Variants in TAMM41 observed in about 807,000 individuals in gnomAD.
TAMM41 encodes TAM41 mitochondrial translocator assembly and maintenance homolog, also known as phosphatidate cytidylyltransferase, mitochondrial.
In TAMM41, 36 loss-of-function variants were observed where a neutral mutation model predicts 44.1. The observed-to-expected ratio is 0.82, with a 90% CI of 0.63 to 1.08. The LOEUF (loss-of-function observed/expected upper bound fraction) is 1.08, where lower values mean the gene tolerates loss of function less well. Ranked by LOEUF, TAMM41 falls within the 50% of genes least tolerant of loss-of-function variation. The pLI is 0.00. For missense variants in TAMM41, 417 were observed against 404.3 expected, an observed-to-expected ratio of 1.03 and a Z score of -0.27; for synonymous variants, 164 against 153.1, an observed-to-expected ratio of 1.07 and a Z score of -0.53.
chr3:11,821,909 A>C (rs1416473717), intron 4 of TAMM41, among the ~76,000 whole-genome samples: 3 of 152,198 alleles, frequency 2.0e-5, no homozygotes, highest in Non-Finnish European at 4.4e-5. Flanking sequence ...CTGGCAGGAC[A>C]CCACAAGTGG....
intron 7 of TAMM41, among the ~76,000 whole-genome samples, chr3:11,798,353 T>C (rs1274270591): frequency 6.6e-6 from 1 of 152,126 alleles, no homozygotes; most frequent in Non-Finnish European, 1.5e-5. Context: ...TGCAGGGATA[T>C]AGATGGAGCT....
At position 11,846,381 on chromosome 3, in the gene TAMM41, T is replaced by C; in HGVS notation, c.135+121A>G. On this transcript the variant is annotated intron_variant, in intron 1 of 7. Coordinates refer to ENST00000455809, the MANE Select transcript of TAMM41 (RefSeq NM_001284401.2). ...AGGAAGGCAGGCCTATGGTTCACTC[T>C]GCTAGTGGACACGTGGAGTGTGCAG... 10 of 1,179,906 alleles carry C rather than the reference T, an allele frequency of 8.5e-6. No homozygotes were observed. In the South Asian group the frequency reaches 1.4e-4, roughly 17 times the overall value. 73.1% of individuals were successfully genotyped at this position (1,179,906 alleles called of 1,614,324 possible).
At chr3:11,807,331 G>C (rs531508191) in intron 7 of TAMM41, 3 of 1,455,070 alleles carry the variant, frequency 2.1e-6, no homozygotes. Flanking sequence ...GTGGGTGCCA[G>C]AGTTGACTTC....
chr3:11,802,328 G>C (rs1185163473), intron 7 of TAMM41, among the ~76,000 whole-genome samples: 1 of 152,010 alleles, frequency 6.6e-6, no homozygotes, highest in African/African-American at 2.4e-5. Context: ...TACAAGACAA[G>C]AAGAGATACA....
the TAMM41 span, among the ~76,000 whole-genome samples, chr3:11,734,084 G>A: frequency 6.6e-6 from 1 of 152,194 alleles, no homozygotes. Flanking sequence ...ATGAAGACGG[G>A]CTAGGAAATG....
the TAMM41 span, among the ~76,000 whole-genome samples, chr3:11,725,363 C>T: frequency 2.1e-5 from 3 of 141,656 alleles, no homozygotes; most frequent in Non-Finnish European, 4.6e-5. Flanking sequence ...TTTTTTTCTT[C>T]TTCTCCTCCT....
chr3:11,844,815 G>A (rs891768350), intron 1 of TAMM41: 8 of 421,036 alleles, frequency 1.9e-5, no homozygotes, highest in Non-Finnish European at 3.8e-5. Context: ...TAGAAGTATA[G>A]AGCTCAGAGT....
chr3:11,732,325 TC>T, the TAMM41 span, among the ~76,000 whole-genome samples: 1 of 67,862 alleles, frequency 1.5e-5, no homozygotes, highest in Non-Finnish European at 3.6e-5. Context: ...CCTTTTTCCC[TC>T]TCTCTCTCCC....
chr3:11,795,014 A>G (rs2077571381), intron 7 of TAMM41, among the ~76,000 whole-genome samples: 1 of 152,210 alleles, frequency 6.6e-6, no homozygotes, highest in Admixed American at 6.5e-5. Flanking sequence ...TGTTCTTCTA[A>G]TTTAAATATA....
At chr3:11,729,956 C>T in the TAMM41 span, among the ~76,000 whole-genome samples, 1 of 152,140 alleles carries the variant, frequency 6.6e-6, no homozygotes, top group African/African-American at 2.4e-5. Context: ...AACAGGGGCT[C>T]AGAGAGGGTA....
chr3:11,743,407 C>G, the TAMM41 span, among the ~76,000 whole-genome samples: 67 of 151,308 alleles, frequency 4.4e-4, no homozygotes, highest in African/African-American at 1.6e-3. Context: ...AATCTTAGCT[C>G]ACTACAACCT....
At chr3:11,785,112 G>C in the TAMM41 span, among the ~76,000 whole-genome samples, 1 of 152,136 alleles carries the variant, frequency 6.6e-6, no homozygotes, top group Non-Finnish European at 1.5e-5. Context: ...TTTCTCTGGT[G>C]AGCTCGGCCA....
At chr3:11,807,280 A>T (rs1432704239) in intron 7 of TAMM41, 32 of 1,438,576 alleles carry the variant, frequency 2.2e-5, no homozygotes, top group Non-Finnish European at 2.8e-5. Context: ...CAACTATATT[A>T]GGAGGACAGA....
chr3:11,746,739 A>T, the TAMM41 span, among the ~76,000 whole-genome samples: 3 of 152,024 alleles, frequency 2.0e-5, no homozygotes, highest in Admixed American at 6.6e-5. Context: ...GCCTCAAATG[A>T]TCCTCCTGCC....
At chr3:11,780,923 T>C in the TAMM41 span, among the ~76,000 whole-genome samples, 1 of 152,236 alleles carries the variant, frequency 6.6e-6, no homozygotes, top group African/African-American at 2.4e-5. Flanking sequence ...CATTGATCGC[T>C]TCTCACCTTG....
At chr3:11,781,535 G>A in the TAMM41 span, among the ~76,000 whole-genome samples, 35 of 152,056 alleles carry the variant, frequency 2.3e-4, no homozygotes, top group Non-Finnish European at 4.6e-4. Context: ...AGGAGTTCGA[G>A]AGCAGCCTGG....
the TAMM41 span, among the ~76,000 whole-genome samples, chr3:11,723,914 A>G: frequency 1.3e-5 from 2 of 152,136 alleles, no homozygotes; most frequent in South Asian, 2.1e-4. Context: ...GGAGGTAGCA[A>G]AGACACAAGA....
At chr3:11,839,610 T>C (rs2079344680) in intron 2 of TAMM41, among the ~76,000 whole-genome samples, 1 of 152,226 alleles carries the variant, frequency 6.6e-6, no homozygotes, top group South Asian at 2.1e-4. Context: ...CCTCACAGGC[T>C]GGCTATCCAA....
Position 11,846,826 on chromosome 3 carries a change from C to T in TAMM41, c.-190G>A. 2 of 693,170 alleles carry T rather than the reference C, an allele frequency of 2.9e-6. No individual in the cohort carries two copies. The highest frequency in any genetic ancestry group is 2.8e-5 in the Admixed American group (1 of 35,268). 42.9% of individuals were successfully genotyped at this position (693,170 alleles called of 1,614,324 possible). On this transcript the variant is annotated 5_prime_UTR_variant, in exon 1 of 8. Coordinates refer to ENST00000455809, the MANE Select transcript of TAMM41 (RefSeq NM_001284401.2). Reference sequence around the variant, plus strand: ...GGCGTTGGGCCACGAAGAGCAGCGGCGAGAAGACGCAGCCCAGATAGGCTC... The same window carrying T: ...GGCGTTGGGCCACGAAGAGCAGCGGTGAGAAGACGCAGCCCAGATAGGCTC...
Sources: allele counts gnomAD v4.1 joint callset (sites outside exome capture counted in the v4.1 genomes callset), GRCh38; gene constraint gnomAD v4.1.1; transcripts MANE v1.5; gene names NCBI Gene and HGNC (gene_info 2026-07-23, HGNC 2026-07-21).